SLC14A2: variants seen among roughly 807,000 people sequenced by gnomAD.
The protein encoded by SLC14A2 is urea transporter 2.
A neutral mutation model predicts 104.6 loss-of-function variants in SLC14A2; 91 were observed. The ratio of observed to expected loss-of-function variants is 0.87; its 90% confidence interval spans 0.73 to 1.04. SLC14A2 has a LOEUF of 1.04. Among genes scored for constraint, SLC14A2 ranks in the 50% least tolerant of loss-of-function variants. The probability of loss-of-function intolerance (pLI) is 0.00; values close to 1 mark genes in which losing one functional copy is unlikely to be tolerated. For synonymous variants in SLC14A2, 476 were observed against 466.4 expected, an observed-to-expected ratio of 1.02 and a Z score of -0.27; for missense variants, 1,189 against 1,156.0, an observed-to-expected ratio of 1.03 and a Z score of -0.41.
At chr18:45,363,975 G>A (rs1301568354) in intron 1 of SLC14A2, among the ~76,000 whole-genome samples, 2 of 152,182 alleles carry the variant, frequency 1.3e-5, no homozygotes, top group Non-Finnish European at 2.9e-5. Flanking sequence ...TTACAATGCA[G>A]TCTCCTCAAT....
intron 1 of SLC14A2, among the ~76,000 whole-genome samples, chr18:45,408,943 A>G (rs1399366511): frequency 6.6e-6 from 1 of 152,212 alleles, no homozygotes; most frequent in Non-Finnish European, 1.5e-5. Flanking sequence ...TGAGCACAAC[A>G]GTCGTTTTAT....
intron 2 of SLC14A2, among the ~76,000 whole-genome samples, chr18:45,559,904 G>A (rs573248448): frequency 8.5e-5 from 13 of 152,306 alleles, no homozygotes; most frequent in Non-Finnish European, 1.9e-4. Context: ...CTGTTCCCTA[G>A]GGAAGAGAAT....
intron 2 of SLC14A2, among the ~76,000 whole-genome samples, chr18:45,580,313 G>A (rs921705578): frequency 1.3e-5 from 2 of 152,206 alleles, no homozygotes; most frequent in African/African-American, 4.8e-5. Flanking sequence ...AACAAATGTG[G>A]TCATCGTCAG....
intron 1 of SLC14A2, among the ~76,000 whole-genome samples, chr18:45,321,825 T>C (rs1032637910): frequency 2.0e-5 from 3 of 152,130 alleles, no homozygotes; most frequent in Admixed American, 2.0e-4. Flanking sequence ...TTGGAGAGGC[T>C]CCTAAAGGGC....
intron 1 of SLC14A2, among the ~76,000 whole-genome samples, chr18:45,311,499 G>A (rs1388397658): frequency 1.3e-5 from 2 of 152,118 alleles, no homozygotes; most frequent in African/African-American, 4.8e-5. Context: ...TATATGATCT[G>A]GGCTCCTGAC....
chr18:45,389,545 C>G (rs772385382), intron 1 of SLC14A2, among the ~76,000 whole-genome samples: 11 of 152,158 alleles, frequency 7.2e-5, no homozygotes, highest in Admixed American at 2.6e-4. Flanking sequence ...TTCAACCAGC[C>G]TTCTTTCTTT....
At chr18:45,338,749 T>C (rs1335576632) in intron 1 of SLC14A2, among the ~76,000 whole-genome samples, 1 of 141,604 alleles carries the variant, frequency 7.1e-6, no homozygotes, top group Non-Finnish European at 1.5e-5. Context: ...TCAACAACCC[T>C]GTCAGCAACA....
intron 1 of SLC14A2, among the ~76,000 whole-genome samples, chr18:45,272,553 T>C (rs1322897528): frequency 6.6e-6 from 1 of 152,114 alleles, no homozygotes; most frequent in Middle Eastern, 3.4e-3. Flanking sequence ...TTAGTAGTAG[T>C]ACCCTTCTAG....
intron 5 of SLC14A2, among the ~76,000 whole-genome samples, chr18:45,635,145 A>G (rs7228064): frequency 0.48 from 73,361 of 152,074 alleles, 17,999 homozygotes; most frequent in African/African-American, 0.56. Flanking sequence ...ATACAAATCA[A>G]GAATTCTGTT....
At chr18:45,304,972 C>T (rs1263414203) in intron 1 of SLC14A2, among the ~76,000 whole-genome samples, 2 of 152,070 alleles carry the variant, frequency 1.3e-5, no homozygotes, top group African/African-American at 4.8e-5. Context: ...CTTGCCCTTG[C>T]AGGGCTTGTA....
At chr18:45,668,245 GGCGT>G in intron 14 of SLC14A2, 100 bp from the exon 15 acceptor site, 1 of 1,463,338 alleles carries the variant, frequency 6.8e-7, no homozygotes, top group Non-Finnish European at 9.3e-7. Flanking sequence ...TCTATTTGAA[GGCGT>G]GTGTAGTCAG....
chr18:45,565,457 T>C (rs2044253884), intron 2 of SLC14A2, among the ~76,000 whole-genome samples: 1 of 152,154 alleles, frequency 6.6e-6, no homozygotes, highest in Non-Finnish European at 1.5e-5. Flanking sequence ...AGCATGCATG[T>C]GCATATGTTG....
rs1036814365 is a variant in SLC14A2, at chr18:45,596,994, T to C, written c.-34-27637T>C. Reference sequence around the variant, plus strand: ...CTAGAAATGGCCTTTGGGCCATCTATTAACCAATCCCATCAAAACCTCAGA... The same window carrying C: ...CTAGAAATGGCCTTTGGGCCATCTACTAACCAATCCCATCAAAACCTCAGA... On this transcript the variant is annotated intron_variant, in intron 2 of 20. Coordinates refer to the SLC14A2 transcript ENST00000586448. Among the ~76,000 whole-genome samples the C allele has an allele frequency of 4.6e-5, 7 of 152,338 alleles. 1 individual carries two copies. The highest frequency in any genetic ancestry group is 1.3e-4 in the Admixed American group (2 of 15,308).
chr18:45,351,433 C>T (rs1390764073), intron 1 of SLC14A2, among the ~76,000 whole-genome samples: 4 of 152,186 alleles, frequency 2.6e-5, no homozygotes, highest in Admixed American at 1.3e-4. Context: ...TGGCTCACTA[C>T]AGCCTTGACC....
intron 2 of SLC14A2, among the ~76,000 whole-genome samples, chr18:45,601,008 T>C (rs1224958313): frequency 1.3e-5 from 2 of 152,052 alleles, no homozygotes; most frequent in South Asian, 2.1e-4. Context: ...TGAAGTAGGA[T>C]AGGATGGGAG....
intron 1 of SLC14A2, among the ~76,000 whole-genome samples, chr18:45,295,647 C>T (rs909577472): frequency 6.6e-6 from 1 of 152,130 alleles, no homozygotes; most frequent in East Asian, 1.9e-4. Context: ...CCCAGCGAGG[C>T]GTGTCATGTT....
At chr18:45,393,840 G>A (rs776366153) in intron 1 of SLC14A2, among the ~76,000 whole-genome samples, 28 of 152,294 alleles carry the variant, frequency 1.8e-4, no homozygotes, top group Non-Finnish European at 2.8e-4. Context: ...ATATACATAT[G>A]GGACTCTGAT....
intron 1 of SLC14A2, among the ~76,000 whole-genome samples, chr18:45,244,018 T>G (rs1175562492): frequency 2.0e-5 from 3 of 152,136 alleles, no homozygotes; most frequent in African/African-American, 7.2e-5. Context: ...TGGAGACCAT[T>G]CCTGGCCAGC....
intron 1 of SLC14A2, among the ~76,000 whole-genome samples, chr18:45,222,174 A>T (rs62092125): frequency 0.11 from 17,168 of 152,104 alleles, 976 homozygotes; most frequent in Non-Finnish European, 0.12. Context: ...TTTGGTTCTC[A>T]GTTTACTTGT....
Sources: gnomAD v4.1 joint callset for allele counts (sites outside exome capture counted in the v4.1 genomes callset) on GRCh38, gnomAD v4.1.1 for gene constraint, MANE v1.5 for transcripts, NCBI Gene and HGNC (gene_info 2026-07-23, HGNC 2026-07-21) for gene names.